Variants in TAF6L observed in about 807,000 individuals in gnomAD.
TAF6L encodes the protein TAF6-like RNA polymerase II p300/CBP-associated factor-associated factor 65 kDa subunit 6L.
A neutral mutation model predicts 57.3 loss-of-function variants in TAF6L; 34 were observed. The observed-to-expected ratio is 0.59, with a 90% CI of 0.45 to 0.79. TAF6L has a LOEUF of 0.79. Among genes scored for constraint, TAF6L ranks in the 30% least tolerant of loss-of-function variants. TAF6L has a pLI of 0.00. For missense variants in TAF6L, 782 were observed against 853.2 expected (o/e 0.92, Z 1.04); for synonymous variants, 417 against 376.3 (o/e 1.11, Z -1.25).
Position 62,786,311 on chromosome 11 carries a change from C to A in TAF6L, c.1012C>A (p.Gln338Lys), listed in dbSNP as rs147174923. 13 of 1,614,176 alleles carry A rather than the reference C, an allele frequency of 8.1e-6. No individual in the cohort carries two copies. The highest frequency in any genetic ancestry group is 1.0e-5 in the Non-Finnish European group (12 of 1,180,004). Residue 338 changes from glutamine (Q) to lysine (K), a missense_variant, in exon 10 of 11, where the codon CAG (glutamine) becomes AAG (lysine). Transcript: ENST00000294168. ...CCTGTCCACCTACTGGACAAACTTG[C>A]AGGCTGTGCTGGATGATTATTCAGT... is the stretch of plus-strand genomic sequence containing the variant. ...PHLSTYWTNL[Q>K]AVLDDYSVSN...
At chr11:62,775,570 T>G in intron 1 of TAF6L, 1 of 542,732 alleles carries the variant, frequency 1.8e-6, no homozygotes. Context: ...ACTTTGGACT[T>G]TGTCTAGCTT....
chr11:62,778,165 G>A (rs1229889123), intron 4 of TAF6L, 37 bp downstream of exon 4: 2 of 1,613,886 alleles, frequency 1.2e-6, no homozygotes, highest in East Asian at 2.2e-5. Flanking sequence ...GGGGATGGGA[G>A]TTGGGCCGTG....
In TAF6L at chr11:62,786,797, GCACCGGCCAGCCTGCACCCACGGCTC is replaced by G; in HGVS notation, c.1372_1397del (p.Thr458AlafsTer54). ...GGTGACAGCTTGGCCACACGCTTTG[GCACCGGCCAGCCTGCACCCACGGCTC>G]CGCGGCCGCCCGGGGACAAGAAGGA... On this transcript the variant is annotated frameshift_variant, in exon 11 of 11. Transcript: ENST00000294168. LOFTEE classifies it high-confidence loss of function. 2 of 1,609,676 alleles carry G rather than the reference GCACCGGCCAGCCTGCACCCACGGCTC, an allele frequency of 1.2e-6. No individual in the cohort carries two copies. Among genetic ancestry groups the G allele is most frequent in the South Asian group, 2.2e-5 (2 of 91,038 alleles).
chr11:62,785,897 ATTGT>A lies in TAF6L; in HGVS notation c.961-359_961-356del, dbSNP rs1387338147. 37 of 163,902 alleles carry A rather than the reference ATTGT, an allele frequency of 2.3e-4. No individual in the cohort carries two copies. The Middle Eastern group carries it at 9.0e-3, about 40-fold the overall frequency. The allele number at this position is 163,902 out of a possible 1,614,324, so 10.2% of individuals were successfully genotyped here. ...TCTCTGGTTGGTTGTTTTTATGCAG[ATTGT>A]TTGAACTGAGTCTCAGTTTACATCT... On this transcript the variant is annotated intron_variant, in intron 9 of 10. Transcript: ENST00000294168.
intron 6 of TAF6L, among the ~76,000 whole-genome samples, chr11:62,781,341 T>G (rs114597114): frequency 0.024 from 3,723 of 152,032 alleles, 139 homozygotes; most frequent in African/African-American, 0.086. Context: ...AGTGGTATTA[T>G]ATTAAGCATC....
intron 8 of TAF6L, 102 bp downstream of exon 8, chr11:62,782,435 G>A: frequency 7.7e-7 from 1 of 1,305,986 alleles, no homozygotes. Flanking sequence ...TCTATGAGAA[G>A]ATGGGGAACC....
At chr11:62,774,921 C>T (rs1177397946) in intron 1 of TAF6L, among the ~76,000 whole-genome samples, 20 of 149,628 alleles carry the variant, frequency 1.3e-4, no homozygotes, top group Non-Finnish European at 2.7e-4. Flanking sequence ...TTTAGCCATC[C>T]GGGCGTGGTG....
chr11:62,785,853 T>A (rs948982320), intron 9 of TAF6L, among the ~76,000 whole-genome samples: 1 of 152,168 alleles, frequency 6.6e-6, no homozygotes, highest in African/African-American at 2.4e-5. Context: ...GATTTTAAAT[T>A]GTATAATCAG....
chr11:62,785,560 A>T (rs2084266014), intron 9 of TAF6L, among the ~76,000 whole-genome samples: 1 of 142,768 alleles, frequency 7.0e-6, no homozygotes, highest in Admixed American at 7.3e-5. Flanking sequence ...TTTGAGACGG[A>T]GTCTCACTTT....
rs2084210063 is a variant in TAF6L at position 62,779,325 on chromosome 11, G to T, written c.531+362G>T. Among the ~76,000 whole-genome samples, 4 of 152,128 alleles carry T rather than the reference G, an allele frequency of 2.6e-5. No individual in the cohort carries two copies. In the South Asian group the frequency reaches 8.3e-4, roughly 32 times the overall value. Reference sequence around the variant, plus strand: ...TTCTCCTGCCTTAGCCTCCCGAGTAGCTGGGACTACAGGTGCCCGCCAACA... The same window carrying T: ...TTCTCCTGCCTTAGCCTCCCGAGTATCTGGGACTACAGGTGCCCGCCAACA... On this transcript the variant is annotated intron_variant, in intron 6 of 10. Transcript: ENST00000294168.
rs774247098 is a variant in TAF6L at position 62,782,734 on chromosome 11, T to G, written c.869T>G (p.Leu290Arg). The stretch of plus-strand genomic sequence containing the variant: ...GTAAGTGGCCTCTATCAGCATATCC[T>G]GCTATCCCTGCAGAAGATCCTGGCA... Reference protein sequence around the residue: ...DLVSGLYQHILLSLQKILADP... With the variant: ...DLVSGLYQHIRLSLQKILADP... Residue 290 changes from leucine to arginine, a missense_variant, in exon 9 of 11, where the codon CTG (leucine) becomes CGG (arginine). By Grantham distance (102) the Leu-to-Arg change is moderately radical. Transcript: ENST00000294168. 2 of 1,612,638 alleles carry G rather than the reference T, an allele frequency of 1.2e-6. No homozygotes were observed. Among genetic ancestry groups the G allele is most frequent in the South Asian group, 1.1e-5 (1 of 91,016 alleles).
chr11:62,773,121 G>C (rs1243720273), intron 1 of TAF6L, among the ~76,000 whole-genome samples: 1 of 150,146 alleles, frequency 6.7e-6, no homozygotes, highest in African/African-American at 2.5e-5. Context: ...GATTACAGGC[G>C]TGAGCCACCA....
rs1003356493 is a variant in TAF6L, at chr11:62,776,667, A to C, written c.234+197A>C. Among the ~76,000 whole-genome samples, 21 of 152,076 alleles carry C rather than the reference A, an allele frequency of 1.4e-4. 1 individual carries two copies. The highest frequency in any genetic ancestry group is 2.9e-5 in the Non-Finnish European group (2 of 67,996). ...GGACTTCAAGACCAGCCTGGCCAAC[A>C]TGGCGAAACCCCTTCTTTACTAAAA... On this transcript the variant is annotated intron_variant, in intron 3 of 10. Coordinates refer to ENST00000294168, the MANE Select transcript of TAF6L (RefSeq NM_006473.4).
chr11:62,780,551 TAG>T (rs1295586485), intron 6 of TAF6L, among the ~76,000 whole-genome samples: 2 of 151,634 alleles, frequency 1.3e-5, no homozygotes, highest in African/African-American at 4.8e-5. Flanking sequence ...GCCTGGCTGA[TAG>T]AACGAAACTC....
At chr11:62,773,592 C>G (rs1590931900) in intron 1 of TAF6L, among the ~76,000 whole-genome samples, 1 of 152,026 alleles carries the variant, frequency 6.6e-6, no homozygotes, top group African/African-American at 2.4e-5. Flanking sequence ...GGATTACAGG[C>G]ATGTGCCACC....
chr11:62,784,620 TATC>T (rs2084257151), intron 9 of TAF6L, among the ~76,000 whole-genome samples: 1 of 152,226 alleles, frequency 6.6e-6, no homozygotes, highest in South Asian at 2.1e-4. Context: ...TTCTTAATTT[TATC>T]ATCAATTTAT....
chr11:62,778,282 T>C lies in TAF6L; in HGVS notation c.386-3T>C. 1.9e-6 allele frequency: 3 copies of C among 1,614,188 alleles called. No individual in the cohort carries two copies. Among genetic ancestry groups the C allele is most frequent in the Non-Finnish European group, 2.5e-6 (3 of 1,180,044 alleles). ...CTGACACATCTCTCTGCACTGCTTC[T>C]AGTTCATGTCTCCTACCTGGATGGC... On this transcript the variant is annotated splice_region_variant and splice_polypyrimidine_tract_variant and intron_variant, in intron 4 of 10. Transcript: ENST00000294168.
Position 62,786,987 on chromosome 11 carries a change from G to A in TAF6L, c.1560G>A (p.Glu520=). Residue 520 remains glutamate, a synonymous_variant, in exon 11 of 11, where the codon GAG becomes GAA. Coordinates refer to ENST00000294168, the MANE Select transcript of TAF6L (RefSeq NM_006473.4). ...CGGCCTCTGGGCCCGCCGCCTCTGAGAGCAGGCCCTTGCCGCGCGTGCATC... is the reference window on the plus strand; with the variant it reads ...CGGCCTCTGGGCCCGCCGCCTCTGAAAGCAGGCCCTTGCCGCGCGTGCATC... ...PASASGPAAS[E]SRPLPRVHRA... 7 of 1,476,136 alleles carry A rather than the reference G, an allele frequency of 4.7e-6. No homozygotes were observed. Among genetic ancestry groups the A allele is most frequent in the Non-Finnish European group, 5.3e-6 (6 of 1,123,808 alleles). The allele number at this position is 1,476,136 out of a possible 1,614,324, so 91.4% of individuals were successfully genotyped here.
intron 8 of TAF6L, 117 bp downstream of exon 8, chr11:62,782,450 C>A: frequency 8.4e-7 from 1 of 1,189,958 alleles, no homozygotes; most frequent in Non-Finnish European, 1.2e-6. Flanking sequence ...GGAACCTTTT[C>A]CCTAGGAGCG....
Sources: allele counts gnomAD v4.1 joint callset (sites outside exome capture counted in the v4.1 genomes callset), GRCh38; gene constraint gnomAD v4.1.1; transcripts MANE v1.5; gene names NCBI Gene and HGNC (gene_info 2026-07-23, HGNC 2026-07-21).